The following CASP5 variants were observed in gnomAD, a reference collection of about 807,000 sequenced individuals.
CASP5 encodes caspase-5.
A neutral mutation model predicts 45.2 loss-of-function variants in CASP5; 42 were observed. The ratio of observed to expected loss-of-function variants is 0.93; its 90% CI spans 0.73 to 1.20. The LOEUF is 1.20. Ranked by LOEUF, CASP5 falls within the 50% of genes most tolerant of loss-of-function variation. The probability of loss-of-function intolerance (pLI) is 0.00; values close to 1 mark genes in which losing one functional copy is unlikely to be tolerated. For synonymous variants in CASP5, 209 were observed against 186.2 expected, an observed-to-expected ratio of 1.12 and a Z score of -1.00; for missense variants, 512 against 532.2, an observed-to-expected ratio of 0.96 and a Z score of 0.37.
chr11:105,022,947 C>A (rs1182219389), intron 1 of CASP5, among the ~76,000 whole-genome samples, 183 bp downstream of exon 1: 1 of 149,080 alleles, frequency 6.7e-6, no homozygotes, highest in African/African-American at 2.4e-5. Flanking sequence ...AGAACATACT[C>A]TCCTTCAGTG....
At chr11:105,004,121 G>A (rs1261106453) in intron 3 of CASP5, among the ~76,000 whole-genome samples, 1 of 152,062 alleles carries the variant, frequency 6.6e-6, no homozygotes, top group Admixed American at 6.6e-5. Context: ...ATAAGCTTCA[G>A]TTATCTTTCA....
chr11:105,016,056 C>G (rs1862572921), intron 1 of CASP5, among the ~76,000 whole-genome samples: 4 of 152,104 alleles, frequency 2.6e-5, no homozygotes, highest in Admixed American at 6.5e-5. Context: ...CAATAGGGAG[C>G]CAATGTATGT....
chr11:105,016,428 T>G (rs1446471899), intron 1 of CASP5, among the ~76,000 whole-genome samples: 2 of 152,034 alleles, frequency 1.3e-5, no homozygotes, highest in Non-Finnish European at 2.9e-5. Flanking sequence ...TGCCAGACAG[T>G]GGGCGCAGGT....
intron 1 of CASP5, among the ~76,000 whole-genome samples, chr11:105,018,532 C>T (rs1055771154): frequency 4.1e-5 from 6 of 147,128 alleles, no homozygotes; most frequent in Non-Finnish European, 6.1e-5. Context: ...AGACTTTAAA[C>T]CAACAAAGAT....
At chr11:105,000,723 A>C (rs1336044441) in intron 5 of CASP5, among the ~76,000 whole-genome samples, 1 of 151,320 alleles carries the variant, frequency 6.6e-6, no homozygotes, top group Non-Finnish European at 1.5e-5. Flanking sequence ...CACACCATAC[A>C]CTGTCTTCTT....
At chr11:105,021,563 T>C (rs1862963876) in intron 1 of CASP5, among the ~76,000 whole-genome samples, 1 of 150,434 alleles carries the variant, frequency 6.6e-6, no homozygotes, top group South Asian at 2.1e-4. Flanking sequence ...GAAAAAGTGC[T>C]CACCATCACT....
intron 8 of CASP5, among the ~76,000 whole-genome samples, chr11:104,996,852 A>G (rs904879749): frequency 6.6e-6 from 1 of 152,156 alleles, no homozygotes; most frequent in Admixed American, 6.6e-5. Flanking sequence ...AGGAGTAGCA[A>G]ACCTTCCCTT....
chr11:105,016,046 C>G (rs1862572164), intron 1 of CASP5, among the ~76,000 whole-genome samples: 1 of 152,084 alleles, frequency 6.6e-6, no homozygotes, highest in South Asian at 2.1e-4. Context: ...TTTAAAAAGG[C>G]AATAGGGAGC....
At chr11:105,007,732 A>C (rs923647203) in intron 2 of CASP5, among the ~76,000 whole-genome samples, 1 of 152,144 alleles carries the variant, frequency 6.6e-6, no homozygotes, top group Admixed American at 6.6e-5. Context: ...CTACTAGACT[A>C]TACAATCTTG....
intron 1 of CASP5, among the ~76,000 whole-genome samples, chr11:105,018,143 G>T (rs1178175128): frequency 1.3e-5 from 2 of 151,706 alleles, no homozygotes; most frequent in South Asian, 2.1e-4. Flanking sequence ...CCCTAAAAGA[G>T]CTCCTGAAGG....
Position 104,995,782 on chromosome 11 carries a change from T to C in CASP5, c.1267A>G (p.Thr423Ala). Residue 423 changes from threonine (T) to alanine (A), a missense_variant, in exon 9 of 10, where the codon ACC (threonine) becomes GCC (alanine). By Grantham distance (58) the Thr-to-Ala change is moderately conservative. Transcript: ENST00000260315. The stretch of plus-strand genomic sequence containing the variant: ...AAGAGGTAGAAATCTCTTGTCAAGG[T>C]TGCTCGTTCTATGGTGGGCATCTGG... ...KAQMPTIERATLTRDFYLFPG... is the reference protein window; with the variant it reads ...KAQMPTIERAALTRDFYLFPG... 6.2e-7 allele frequency: 1 copy of C among 1,612,798 alleles called. No homozygotes were observed.
chr11:105,000,293 G>T lies in CASP5; in HGVS notation c.920C>A (p.Pro307His). 6.2e-7 allele frequency: 1 copy of T among 1,614,174 alleles called. No individual in the cohort carries two copies. Among genetic ancestry groups the T allele is most frequent in the Non-Finnish European group, 8.5e-7 (1 of 1,180,030 alleles). Residue 307 changes from proline to histidine, a missense_variant, in exon 6 of 10, where the codon CCC becomes CAC. Coordinates refer to ENST00000260315, the MANE Select transcript of CASP5 (RefSeq NM_004347.5). Reference protein sequence around the residue: ...NRNCLSLKDKPKVIIVQACRG... With the variant: ...NRNCLSLKDKHKVIIVQACRG... ...GCAGGCCTGGACAATGATGACCTTG[G>T]GTTTGTCCTTTAGACTGAGGCAGTT...
intron 1 of CASP5, among the ~76,000 whole-genome samples, chr11:105,010,279 A>G (rs544744882): frequency 1.3e-5 from 2 of 151,086 alleles, no homozygotes; most frequent in East Asian, 3.9e-4. Flanking sequence ...AACATCTCCT[A>G]TGTATTTTTT....
In CASP5 at chr11:105,000,495, C is replaced by T. The variant is rs772150353; in HGVS notation, c.718G>A (p.Asp240Asn). ...VVDEKNLTAR[D>N]MESVLRAFAA... ...AATGCCCTCAGCACTGACTCCATAT[C>T]CTATAAAAGAGCAATGTCTAACTTC... The change falls in exon 6 of 10, where the codon GAT becomes AAT. Residue 240 changes from aspartate (D) to asparagine (N), a missense_variant and splice_region_variant. Coordinates refer to ENST00000260315, the MANE Select transcript of CASP5 (RefSeq NM_004347.5). 3.5e-5 allele frequency: 57 copies of T among 1,613,404 alleles called. No homozygotes were observed. The South Asian group carries it at 5.3e-4, about 15-fold the overall frequency.
chr11:105,009,786 T>TACACAC (rs1555079462), intron 1 of CASP5, among the ~76,000 whole-genome samples: 1 of 94,894 alleles, frequency 1.1e-5, no homozygotes, highest in Non-Finnish European at 2.2e-5. Flanking sequence ...TATATATATA[T>TACACAC]ACACACGTAT....
chr11:105,011,896 A>G (rs1213576742), intron 1 of CASP5, among the ~76,000 whole-genome samples: 1 of 151,792 alleles, frequency 6.6e-6, no homozygotes, highest in Non-Finnish European at 1.5e-5. Context: ...TACAATTCCT[A>G]TTAAGCCTCC....
intron 1 of CASP5, among the ~76,000 whole-genome samples, chr11:105,021,098 C>G (rs933117538): frequency 8.6e-5 from 13 of 152,036 alleles, no homozygotes; most frequent in Non-Finnish European, 1.9e-4. Context: ...GGAAAACTGG[C>G]TAGCCATATG....
chr11:105,005,778 A>G (rs1414714707), intron 3 of CASP5, among the ~76,000 whole-genome samples: 1 of 152,110 alleles, frequency 6.6e-6, no homozygotes, highest in African/African-American at 2.4e-5. Context: ...TATTGCTACA[A>G]ATATGATTCC....
Position 104,998,905 on chromosome 11 carries a change from G to A in CASP5, c.1076C>T (p.Ala359Val), listed in dbSNP as rs531060230. ...CATACGTGGTGTTGAAGAACAGAAA[G>A]CAATGAAGTCCTTCTCCTCGTGGAT... is the stretch of plus-strand genomic sequence containing the variant. ...CKIHEEKDFI[A>V]FCSSTPHNVS... is the part of the protein sequence containing the mutation. Residue 359 changes from alanine (A) to valine (V), a missense_variant, in exon 7 of 10, where the codon GCT (alanine) becomes GTT (valine). Ala to Val is a moderately conservative substitution (Grantham distance 64). Coordinates refer to ENST00000260315, the MANE Select transcript of CASP5 (RefSeq NM_004347.5). The A allele has an allele frequency of 4.4e-5, 71 of 1,613,702 alleles. 1 individual carries two copies. In the South Asian group the frequency reaches 7.7e-4, roughly 17 times the overall value.
Sources: allele counts gnomAD v4.1 joint callset (sites outside exome capture counted in the v4.1 genomes callset), GRCh38; gene constraint gnomAD v4.1.1; transcripts MANE v1.5; gene names NCBI Gene and HGNC (gene_info 2026-07-23, HGNC 2026-07-21).